CSNK1G3: variants seen among roughly 807,000 people sequenced by gnomAD.
CSNK1G3 encodes the protein casein kinase 1 gamma 3.
CSNK1G3 carries 23 observed loss-of-function variants against 64.3 expected under a neutral mutation model. The observed-to-expected ratio is 0.36, with a 90% CI of 0.26 to 0.51. The LOEUF (loss-of-function observed/expected upper bound fraction) is 0.51. Ranked by LOEUF, CSNK1G3 falls within the 20% of genes least tolerant of loss-of-function variation. The pLI is 0.96. For synonymous variants in CSNK1G3, 158 were observed against 162.2 expected (o/e 0.97, Z 0.20); for missense variants, 357 against 510.5 (o/e 0.70, Z 2.90).
intron 4 of CSNK1G3, among the ~76,000 whole-genome samples, chr5:123,571,776 A>G (rs1011003043): frequency 1.4e-5 from 2 of 142,492 alleles, no homozygotes; most frequent in African/African-American, 5.2e-5. Flanking sequence ...CTGAAAAAAA[A>G]TCACTTGGAA....
intron 5 of CSNK1G3, among the ~76,000 whole-genome samples, chr5:123,573,872 C>T (rs1275953268): frequency 1.5e-5 from 2 of 137,462 alleles, no homozygotes; most frequent in Non-Finnish European, 1.5e-5. Context: ...TTTTTTGAGA[C>T]GGAGTCTTGC....
chr5:123,523,879 T>A (rs527722559), intron 1 of CSNK1G3, among the ~76,000 whole-genome samples: 13 of 152,310 alleles, frequency 8.5e-5, no homozygotes, highest in Admixed American at 3.3e-4. Flanking sequence ...AGCAAATGTT[T>A]GATTATAGTG....
intron 1 of CSNK1G3, among the ~76,000 whole-genome samples, chr5:123,516,544 T>C (rs1021064402): frequency 6.6e-6 from 1 of 152,202 alleles, no homozygotes; most frequent in African/African-American, 2.4e-5. Context: ...TGTTAGACCA[T>C]AGTGATTGGT....
intron 1 of CSNK1G3, among the ~76,000 whole-genome samples, chr5:123,514,109 T>A (rs535672923): frequency 3.5e-4 from 53 of 152,258 alleles, no homozygotes; most frequent in Non-Finnish European, 5.4e-4. Flanking sequence ...CAGACACTTC[T>A]GCTTTATGTG....
At chr5:123,544,667 TG>T (rs1561489066) in intron 1 of CSNK1G3, among the ~76,000 whole-genome samples, 1 of 152,194 alleles carries the variant, frequency 6.6e-6, no homozygotes, top group East Asian at 1.9e-4. Context: ...AGACTATGAA[TG>T]GGGCAGACTC....
intron 1 of CSNK1G3, among the ~76,000 whole-genome samples, chr5:123,523,716 A>G (rs1251119011): frequency 6.6e-6 from 1 of 152,226 alleles, no homozygotes; most frequent in African/African-American, 2.4e-5. Context: ...GTACCGTTCT[A>G]TAGGACCTAA....
chr5:123,578,705 C>T (rs934603462), intron 6 of CSNK1G3, among the ~76,000 whole-genome samples: 2 of 151,814 alleles, frequency 1.3e-5, no homozygotes, highest in Admixed American at 6.6e-5. Context: ...CAAATCTTTA[C>T]CTTCATTACA....
At chr5:123,586,329 G>A (rs764765203) in intron 6 of CSNK1G3, among the ~76,000 whole-genome samples, 2 of 152,202 alleles carry the variant, frequency 1.3e-5, no homozygotes, top group African/African-American at 4.8e-5. Flanking sequence ...GATTGTGGTG[G>A]TAGTTATGCA....
chr5:123,603,255 G>A (rs1281584995), intron 10 of CSNK1G3, among the ~76,000 whole-genome samples: 16 of 152,052 alleles, frequency 1.1e-4, no homozygotes, highest in Non-Finnish European at 1.5e-5. Context: ...AAAAATGGAA[G>A]TGGTGAGTTA....
chr5:123,537,020 C>T (rs183221932), intron 1 of CSNK1G3, among the ~76,000 whole-genome samples: 6 of 152,182 alleles, frequency 3.9e-5, no homozygotes, highest in African/African-American at 1.4e-4. Flanking sequence ...ATATGGAAAA[C>T]AGTATGGAGA....
intron 10 of CSNK1G3, among the ~76,000 whole-genome samples, chr5:123,599,310 A>G (rs1794017861): frequency 1.3e-5 from 2 of 152,192 alleles, no homozygotes; most frequent in South Asian, 4.1e-4. Context: ...AATCTAATGA[A>G]TAATGTGACT....
intron 1 of CSNK1G3, among the ~76,000 whole-genome samples, chr5:123,536,394 A>G (rs1324017301): frequency 6.8e-6 from 1 of 147,906 alleles, no homozygotes; most frequent in African/African-American, 2.5e-5. Flanking sequence ...AAAGAAAATT[A>G]TTTCCTTCTA....
rs779589086 is a variant in CSNK1G3 at position 123,604,704 on chromosome 5, A to G, written c.1087-20A>G. On this transcript the variant is annotated intron_variant, in intron 10 of 12. Transcript: ENST00000345990. ...TGTGTGTGTACATATACATATATAA[A>G]AAATTTTTTTTTCAAACAGGTTGTA... 6.6e-7 allele frequency: 1 copy of G among 1,515,564 alleles called. No individual in the cohort carries two copies. Among genetic ancestry groups the G allele is most frequent in the South Asian group, 1.2e-5 (1 of 85,338 alleles). The allele number at this position is 1,515,564 out of a possible 1,614,324, so 93.9% of individuals were successfully genotyped here.
intron 4 of CSNK1G3, among the ~76,000 whole-genome samples, chr5:123,559,206 A>T (rs899382836): frequency 6.6e-6 from 1 of 151,926 alleles, no homozygotes; most frequent in Non-Finnish European, 1.5e-5. Flanking sequence ...GTGATTGCCT[A>T]CTGGGAAATC....
chr5:123,558,734 C>T (rs4836022), intron 4 of CSNK1G3, among the ~76,000 whole-genome samples: 89,376 of 152,008 alleles, frequency 0.59, 27,189 homozygotes, highest in African/African-American at 0.74. Flanking sequence ...TCAAAATTAT[C>T]ACTGACAACT....
At chr5:123,545,735 C>G (rs1782416277) in exon 2 of CSNK1G3, 1 of 1,613,500 alleles carries the variant, frequency 6.2e-7, no homozygotes, top group Admixed American at 1.7e-5. Flanking sequence ...GATCGGGACA[C>G]AACACTCGAG....
chr5:123,605,127 C>T (rs1228033324), intron 11 of CSNK1G3, among the ~76,000 whole-genome samples: 1 of 151,942 alleles, frequency 6.6e-6, no homozygotes, highest in Non-Finnish European at 1.5e-5. Context: ...TATTGATGTA[C>T]TATCAATCTT....
At chr5:123,552,152 A>ATTT (rs11455353) in intron 2 of CSNK1G3, among the ~76,000 whole-genome samples, 3 of 148,986 alleles carry the variant, frequency 2.0e-5, no homozygotes, top group African/African-American at 7.4e-5. Flanking sequence ...TATGATCCTA[A>ATTT]TTTTTTTTTT....
chr5:123,613,021 T>G (rs1473896346), intron 12 of CSNK1G3, among the ~76,000 whole-genome samples: 1 of 152,034 alleles, frequency 6.6e-6, no homozygotes, highest in Non-Finnish European at 1.5e-5. Flanking sequence ...TAGGAAGGGG[T>G]TGACTGTTTA....
Sources: allele counts gnomAD v4.1 joint callset (sites outside exome capture counted in the v4.1 genomes callset), GRCh38; gene constraint gnomAD v4.1.1; transcripts MANE v1.5; gene names NCBI Gene and HGNC (gene_info 2026-07-23, HGNC 2026-07-21).